Variants in LPA observed in about 807,000 individuals in gnomAD.
The protein encoded by LPA is lipoprotein(a), also known as apolipoprotein(a).
In LPA, 199 loss-of-function variants were observed where a neutral mutation model predicts 197.9. The ratio of observed to expected loss-of-function variants is 1.01; its 90% CI spans 0.90 to 1.13. The LOEUF (loss-of-function observed/expected upper bound fraction) is 1.13. Ranked by LOEUF, LPA falls within the 50% of genes most tolerant of loss-of-function variation. The pLI is 0.00. For missense variants in LPA, 1,853 were observed against 1,785.8 expected (o/e 1.04, Z -0.68); for synonymous variants, 715 against 639.5 (o/e 1.12, Z -1.78).
At chr6:160,578,492 G>A in intron 27 of LPA, 31 bp downstream of exon 27, 1 of 1,612,106 alleles carries the variant, frequency 6.2e-7, no homozygotes, top group Non-Finnish European at 8.5e-7. Context: ...TTTCATCCCA[G>A]TATATAGATG....
chr6:160,608,041 A>T (rs1779398212), intron 16 of LPA, among the ~76,000 whole-genome samples: 1 of 152,198 alleles, frequency 6.6e-6, no homozygotes, highest in Non-Finnish European at 1.5e-5. Flanking sequence ...TTACCTCTAC[A>T]TATGCTAAAA....
At chr6:160,594,714 A>T (rs1779096447) in intron 21 of LPA, among the ~76,000 whole-genome samples, 1 of 152,154 alleles carries the variant, frequency 6.6e-6, no homozygotes, top group Non-Finnish European at 1.5e-5. Flanking sequence ...GTAGATATCC[A>T]CTACTCTTCT....
In LPA at chr6:160,576,395, T is replaced by TATATAC. The variant is rs1778674090; in HGVS notation, c.4631+740_4631+741insGTATAT. The stretch of plus-strand genomic sequence containing the variant: ...ATATATATATATATATATATGTATA[T>TATATAC]ATATATATATATATATATATGGGTA... On this transcript the variant is annotated intron_variant, in intron 28 of 38. Coordinates refer to ENST00000316300, the MANE Select transcript of LPA (RefSeq NM_005577.4). 1.4e-4 allele frequency among the ~76,000 whole-genome samples: 5 copies of TATATAC among 35,624 alleles called. No homozygotes were observed. In the South Asian group the frequency reaches 3.7e-3, roughly 26 times the overall value. The allele number at this position is 35,624 out of a possible 152,430, so 23.4% of individuals were successfully genotyped here. A position where few individuals can be genotyped will look rare whatever the true frequency, so the allele number is the denominator to read the frequency against.
chr6:160,609,408 C>G (rs1779432170), intron 16 of LPA, among the ~76,000 whole-genome samples: 2 of 152,226 alleles, frequency 1.3e-5, no homozygotes, highest in South Asian at 4.2e-4. Context: ...ATTTGTATCA[C>G]TGTACTCTAG....
chr6:160,611,135 C>T (rs1046040792), intron 16 of LPA, among the ~76,000 whole-genome samples: 1 of 152,088 alleles, frequency 6.6e-6, no homozygotes, highest in African/African-American at 2.4e-5. Context: ...GATCAATTCA[C>T]CTGTCCATAA....
intron 2 of LPA, among the ~76,000 whole-genome samples, chr6:160,647,190 T>A (rs1202425915): frequency 3.3e-5 from 5 of 152,000 alleles, no homozygotes; most frequent in South Asian, 4.2e-4. Context: ...GAACAGTGGG[T>A]CCCATGGCAT....
chr6:160,596,478 G>A (rs746772313), intron 20 of LPA, among the ~76,000 whole-genome samples: 63 of 151,564 alleles, frequency 4.2e-4, no homozygotes, highest in Non-Finnish European at 6.8e-4. Context: ...GGATTCCAAA[G>A]AGCTTTTCTT....
Position 160,537,895 on chromosome 6 carries a change from G to A in LPA, c.5802C>T (p.Ala1934=). 6.2e-7 allele frequency: 1 copy of A among 1,614,234 alleles called. No individual in the cohort carries two copies. Among genetic ancestry groups the A allele is most frequent in the Non-Finnish European group, 8.5e-7 (1 of 1,180,046 alleles). The change falls in exon 37 of 39, where the codon GCC becomes GCT. Residue 1934 remains alanine (A), a synonymous_variant. Transcript: ENST00000316300. ...AGCCAGTGATGTAACATTCAGTCCT[G>A]GCGGTGACCATGTAGTCTGGGGATG... is the stretch of plus-strand genomic sequence containing the variant. ...CLPSPDYMVT[A]RTECYITGWG...
chr6:160,594,831 T>C (rs1218251474), intron 21 of LPA, among the ~76,000 whole-genome samples: 1 of 152,198 alleles, frequency 6.6e-6, no homozygotes, highest in Admixed American at 6.5e-5. Flanking sequence ...AAGATGGAGA[T>C]AGGCCAGAAC....
chr6:160,589,864 A>G, intron 23 of LPA, 152 bp from the exon 24 acceptor site: 1 of 883,636 alleles, frequency 1.1e-6, no homozygotes, highest in Non-Finnish European at 1.8e-6. Context: ...CCAATAACAA[A>G]GCTCAAAGAT....
intron 26 of LPA, among the ~76,000 whole-genome samples, chr6:160,581,698 T>G (rs538486043): frequency 6.6e-6 from 1 of 152,204 alleles, no homozygotes; most frequent in South Asian, 2.1e-4. Flanking sequence ...TTATTCTTTT[T>G]AAAGATTGTC....
chr6:160,654,050 A>AGT (rs1562354958), intron 1 of LPA, among the ~76,000 whole-genome samples: 1 of 8,352 alleles, frequency 1.2e-4, no homozygotes, highest in African/African-American at 4.6e-4. Flanking sequence ...TATAATATAT[A>AGT]ATATATTATA....
intron 28 of LPA, among the ~76,000 whole-genome samples, chr6:160,559,746 G>A (rs1778330532): frequency 6.6e-6 from 1 of 152,142 alleles, no homozygotes; most frequent in Non-Finnish European, 1.5e-5. Flanking sequence ...TGAGTCTCCT[G>A]AAGGCAGCAG....
chr6:160,596,474 C>A (rs1336488014), intron 20 of LPA, among the ~76,000 whole-genome samples: 2 of 151,722 alleles, frequency 1.3e-5, no homozygotes, highest in Non-Finnish European at 2.9e-5. Context: ...TAGGGGATTC[C>A]AAAGAGCTTT....
At chr6:160,594,488 A>C (rs571885458) in intron 21 of LPA, among the ~76,000 whole-genome samples, 1 of 152,334 alleles carries the variant, frequency 6.6e-6, no homozygotes, top group East Asian at 1.9e-4. Flanking sequence ...ATTGACTGTC[A>C]GTGGGGACAG....
chr6:160,534,114 A>G (rs1777847938), intron 37 of LPA, among the ~76,000 whole-genome samples: 1 of 152,118 alleles, frequency 6.6e-6, no homozygotes, highest in East Asian at 1.9e-4. Context: ...CCGAATCTGG[A>G]GTTTACATGA....
chr6:160,582,214 TTTTTTTTCTTCTTA>T (rs1778815223), intron 26 of LPA, among the ~76,000 whole-genome samples: 1 of 151,886 alleles, frequency 6.6e-6, no homozygotes, highest in Non-Finnish European at 1.5e-5. Flanking sequence ...GACTTGATCT[TTTTTTTTCTTCTTA>T]GCATATTATT....
chr6:160,547,976 C>G (rs1778102493), intron 31 of LPA, 39 bp from the exon 32 acceptor site: 1 of 1,605,654 alleles, frequency 6.2e-7, no homozygotes, highest in East Asian at 2.2e-5. Context: ...TGATTACAGA[C>G]AGCCAGGCAG....
chr6:160,557,185 C>T (rs1778278184), intron 29 of LPA, among the ~76,000 whole-genome samples: 2 of 151,980 alleles, frequency 1.3e-5, no homozygotes. Flanking sequence ...GTCAAGTGCC[C>T]AGGTGGGTTT....
Sources: allele counts gnomAD v4.1 joint callset (sites outside exome capture counted in the v4.1 genomes callset), GRCh38; gene constraint gnomAD v4.1.1; transcripts MANE v1.5; gene names NCBI Gene and HGNC (gene_info 2026-07-23, HGNC 2026-07-21).